Variants in NTNG2 observed in about 807,000 individuals in gnomAD.
The protein encoded by NTNG2 is netrin G2.
NTNG2 carries 15 observed loss-of-function variants against 47.6 expected under a neutral mutation model. The observed-to-expected ratio is 0.32, with a 90% confidence interval of 0.21 to 0.49. NTNG2 has a LOEUF of 0.49. Among genes scored for constraint, NTNG2 ranks in the 20% least tolerant of loss-of-function variants. The probability of loss-of-function intolerance (pLI) is 0.99; values close to 1 mark genes in which losing one functional copy is unlikely to be tolerated. For synonymous variants in NTNG2, 307 were observed against 324.6 expected (o/e 0.95, Z 0.58); for missense variants, 578 against 764.6 (o/e 0.76, Z 2.88).
intron 4 of NTNG2, 91 bp downstream of exon 4, chr9:132,227,112 C>A: frequency 2.2e-6 from 3 of 1,348,850 alleles, no homozygotes; most frequent in Non-Finnish European, 3.0e-6. Context: ...CACACGCACA[C>A]AAACCTGCAC....
chr9:132,203,213 G>A (rs773482857), intron 3 of NTNG2, among the ~76,000 whole-genome samples: 8 of 152,082 alleles, frequency 5.3e-5, no homozygotes, highest in Non-Finnish European at 7.4e-5. Flanking sequence ...GGTGGTGTGC[G>A]CCTGTAGTCC....
intron 3 of NTNG2, among the ~76,000 whole-genome samples, chr9:132,206,835 C>A (rs1243319394): frequency 1.3e-5 from 2 of 152,256 alleles, no homozygotes; most frequent in African/African-American, 4.8e-5. Context: ...CAGACCACAT[C>A]AGCCTCCACT....
chr9:132,179,608 G>A (rs1836772736), intron 2 of NTNG2, among the ~76,000 whole-genome samples: 1 of 152,208 alleles, frequency 6.6e-6, no homozygotes, highest in African/African-American at 2.4e-5. Flanking sequence ...GAGAGACTGG[G>A]GCACACGTGC....
At position 132,236,765 on chromosome 9, in the gene NTNG2, A is replaced by C. The variant is rs1841659687; in HGVS notation, c.1055-2339A>C. Among the ~76,000 whole-genome samples, 1 of 152,218 alleles carries C rather than the reference A, an allele frequency of 6.6e-6. No homozygotes were observed. Among genetic ancestry groups the C allele is most frequent in the South Asian group, 2.1e-4 (1 of 4,824 alleles). On this transcript the variant is annotated intron_variant, in intron 5 of 7. Coordinates refer to ENST00000393229, the MANE Select transcript of NTNG2 (RefSeq NM_032536.4). The surrounding 1 kb of genome is among the most constrained non-coding windows in gnomAD (Gnocchi z 4.3). ...GCCAAGGTAGTGACGATCCCGGGAC[A>C]GTGGCCTGCTCACCCACAGATAGGG...
intron 3 of NTNG2, among the ~76,000 whole-genome samples, chr9:132,214,033 C>T (rs550827759): frequency 3.9e-5 from 6 of 152,232 alleles, no homozygotes; most frequent in South Asian, 2.1e-4. Context: ...CTGAAATCCC[C>T]GTGGGGCTTT....
Position 132,221,991 on chromosome 9 carries a change from C to T in NTNG2, c.858-4858C>T, listed in dbSNP as rs1356818471. Reference sequence around the variant, plus strand: ...GCAGTGCGGAGCACAGCCCCGGTTCCGTACAGCTGAGGTGTTCCTCTCCAG... The same window carrying T: ...GCAGTGCGGAGCACAGCCCCGGTTCTGTACAGCTGAGGTGTTCCTCTCCAG... On this transcript the variant is annotated intron_variant, in intron 3 of 7. Coordinates refer to ENST00000393229, the MANE Select transcript of NTNG2 (RefSeq NM_032536.4). This position sits in a 1 kb window ranked among gnomAD's most constrained non-coding sequence, Gnocchi z 4.2. Among the ~76,000 whole-genome samples the T allele has an allele frequency of 6.6e-6, 1 of 152,232 alleles. No homozygotes were observed.
At chr9:132,171,691 G>A (rs112862110) in intron 2 of NTNG2, among the ~76,000 whole-genome samples, 2 of 152,366 alleles carry the variant, frequency 1.3e-5, no homozygotes, top group Non-Finnish European at 2.9e-5. Flanking sequence ...CAGACAGCAG[G>A]CAGGTCCTGG....
In NTNG2 at chr9:132,231,549, C is replaced by T. The variant is rs772951473; in HGVS notation, c.1054+954C>T. On this transcript the variant is annotated intron_variant, in intron 5 of 7. Coordinates refer to ENST00000393229, the MANE Select transcript of NTNG2 (RefSeq NM_032536.4). This position sits in a 1 kb window ranked among gnomAD's most constrained non-coding sequence, Gnocchi z 4.1. ...AGAAAGAAGCTGGACCCTGCAGGGA[C>T]GCTGGTCTGCACAGCCGTCGTAAGT... 2.1e-4 allele frequency: 73 copies of T among 341,640 alleles called. No individual in the cohort carries two copies. The highest frequency in any genetic ancestry group is 8.1e-4 in the South Asian group (38 of 47,172). The allele number at this position is 341,640 out of a possible 1,614,324, so 21.2% of individuals were successfully genotyped here.
intron 3 of NTNG2, among the ~76,000 whole-genome samples, chr9:132,214,338 G>T (rs926202206): frequency 6.6e-6 from 1 of 152,206 alleles, no homozygotes. Context: ...CAGCTCCCAG[G>T]CACTGCCTGC....
intron 2 of NTNG2, among the ~76,000 whole-genome samples, chr9:132,183,550 G>A (rs927823486): frequency 7.2e-5 from 11 of 152,164 alleles, no homozygotes; most frequent in Non-Finnish European, 1.3e-4. Flanking sequence ...GCCCCAGCCC[G>A]TCACCTCCAG....
rs1841650505 is a variant in NTNG2, at chr9:132,236,657, C to CT, written c.1055-2446dup. On this transcript the variant is annotated intron_variant, in intron 5 of 7. Coordinates refer to ENST00000393229, the MANE Select transcript of NTNG2 (RefSeq NM_032536.4). This position sits in a 1 kb window ranked among gnomAD's most constrained non-coding sequence, Gnocchi z 4.3. ...CTGGAGGACCTGGGCCTGGTGTCCTCTGTGGTGATGGAGACAGAGCTGGCG... is the reference window on the plus strand; with the variant it reads ...CTGGAGGACCTGGGCCTGGTGTCCTCTTGTGGTGATGGAGACAGAGCTGGCG... Among the ~76,000 whole-genome samples, 1 of 152,234 alleles carries CT rather than the reference C, an allele frequency of 6.6e-6. No homozygotes were observed. The highest frequency in any genetic ancestry group is 1.5e-5 in the Non-Finnish European group (1 of 68,032).
intron 2 of NTNG2, among the ~76,000 whole-genome samples, chr9:132,183,300 AT>A (rs998844550): frequency 2.0e-5 from 3 of 152,132 alleles, no homozygotes; most frequent in Non-Finnish European, 4.4e-5. Flanking sequence ...GCGCTGCTTA[AT>A]GTCAAGCTGC....
intron 3 of NTNG2, among the ~76,000 whole-genome samples, chr9:132,225,330 G>C (rs1192832491): frequency 6.6e-6 from 1 of 152,076 alleles, no homozygotes; most frequent in African/African-American, 2.4e-5. Flanking sequence ...GAGTGCAGTG[G>C]TGCAAACATG....
chr9:132,242,327 T>A lies in NTNG2; in HGVS notation c.*216T>A. The A allele has an allele frequency of 5.5e-6, 1 of 183,022 alleles. No homozygotes were observed. The highest frequency in any genetic ancestry group is 1.1e-5 in the Non-Finnish European group (1 of 89,552). The allele number at this position is 183,022 out of a possible 1,614,324, so 11.3% of individuals were successfully genotyped here. ...GACTCCGGTCCCCGCGCCTGCGATTTGGTTTCGTTTTTCTTTTGTATTATC... is the reference window on the plus strand; with the variant it reads ...GACTCCGGTCCCCGCGCCTGCGATTAGGTTTCGTTTTTCTTTTGTATTATC... On this transcript the variant is annotated 3_prime_UTR_variant, in exon 8 of 8. Coordinates refer to ENST00000393229, the MANE Select transcript of NTNG2 (RefSeq NM_032536.4). This position sits in a 1 kb window ranked among gnomAD's most constrained non-coding sequence, Gnocchi z 5.9.
At position 132,231,892 on chromosome 9, in the gene NTNG2, G is replaced by C. The variant is rs562801870; in HGVS notation, c.1054+1297G>C. 1.9e-5 allele frequency: 3 copies of C among 156,380 alleles called. No homozygotes were observed. The highest frequency in any genetic ancestry group is 3.8e-4 in the East Asian group (2 of 5,196). 9.7% of individuals were successfully genotyped at this position (156,380 alleles called of 1,614,324 possible). ...GGGAGGGTCGGCAGCCCTGGGCAGA[G>C]AGCAGGGGCTTGGCTCTTAGAATAG... is the stretch of plus-strand genomic sequence containing the variant. On this transcript the variant is annotated intron_variant, in intron 5 of 7. Transcript: ENST00000393229. This position sits in a 1 kb window ranked among gnomAD's most constrained non-coding sequence, Gnocchi z 4.1.
chr9:132,241,012 T>C lies in NTNG2; in HGVS notation c.1325T>C (p.Leu442Pro), dbSNP rs1279967929. The change falls in exon 7 of 8, where the codon CTC becomes CCC. Residue 442 changes from leucine to proline, a missense_variant. Coordinates refer to ENST00000393229, the MANE Select transcript of NTNG2 (RefSeq NM_032536.4). ...GCGGGCCCCAAGTGCGACGACTGCCTCCCCACGCACTACTGGCGCCAGGGC... is the reference window on the plus strand; with the variant it reads ...GCGGGCCCCAAGTGCGACGACTGCCCCCCCACGCACTACTGGCGCCAGGGC... The part of the protein sequence containing the change: ...GAAGPKCDDC[L>P]PTHYWRQGCY... The C allele has an allele frequency of 6.2e-7, 1 of 1,608,124 alleles. No individual in the cohort carries two copies. Among genetic ancestry groups the C allele is most frequent in the Non-Finnish European group, 8.5e-7 (1 of 1,179,118 alleles).
At chr9:132,227,542 C>T (rs73563345) in intron 4 of NTNG2, among the ~76,000 whole-genome samples, 10,214 of 152,198 alleles carry the variant, frequency 0.067, 1,127 homozygotes, top group African/African-American at 0.23. Flanking sequence ...GTGTTTGGAG[C>T]GAGCCACCAA....
chr9:132,190,361 C>T (rs942345014), intron 2 of NTNG2, among the ~76,000 whole-genome samples: 1 of 151,970 alleles, frequency 6.6e-6, no homozygotes, highest in African/African-American at 2.4e-5. Flanking sequence ...GGGAGTGAGC[C>T]AGTGCATCCC....
In NTNG2 at chr9:132,231,787, CA is replaced by C. The variant is rs1385023484; in HGVS notation, c.1054+1193del. 4 of 169,296 alleles carry C rather than the reference CA, an allele frequency of 2.4e-5. No homozygotes were observed. In the East Asian group the frequency reaches 7.5e-4, roughly 32 times the overall value. The allele number at this position is 169,296 out of a possible 1,614,324, so 10.5% of individuals were successfully genotyped here. A position where few individuals can be genotyped will look rare whatever the true frequency, so the allele number is the denominator to read the frequency against. The stretch of plus-strand genomic sequence containing the variant: ...ATGGCGCCCAGCACCCCACAGCCCA[CA>C]GGTGGGTGCCAGGGTACAGCGACCC... On this transcript the variant is annotated intron_variant, in intron 5 of 7. Coordinates refer to ENST00000393229, the MANE Select transcript of NTNG2 (RefSeq NM_032536.4). This position sits in a 1 kb window ranked among gnomAD's most constrained non-coding sequence, Gnocchi z 4.1.
Sources: gnomAD v4.1 joint callset for allele counts (sites outside exome capture counted in the v4.1 genomes callset) on GRCh38, gnomAD v4.1.1 for gene constraint, Gnocchi (gnomAD v3.1) non-coding constraint, MANE v1.5 for transcripts, NCBI Gene and HGNC (gene_info 2026-07-23, HGNC 2026-07-21) for gene names.